Variants in MSRA observed in about 807,000 individuals in gnomAD.
The protein encoded by MSRA is methionine sulfoxide reductase A.
MSRA carries 54 observed loss-of-function variants against 31.3 expected under a neutral mutation model. That is an observed-to-expected ratio of 1.73 (90% CI 1.39 to 2.17). The LOEUF (loss-of-function observed/expected upper bound fraction) is 2.17. Ranked by LOEUF, MSRA falls within the 30% of genes most tolerant of loss-of-function variation. MSRA has a pLI of 0.00. For synonymous variants in MSRA, 169 were observed against 116.5 expected (o/e 1.45, Z -2.90); for missense variants, 507 against 300.9 (o/e 1.69, Z -5.07).
chr8:10,206,293 C>T (rs929491769), intron 1 of MSRA, among the ~76,000 whole-genome samples: 3 of 152,318 alleles, frequency 2.0e-5, no homozygotes, highest in Middle Eastern at 6.8e-3. Flanking sequence ...ACAGCTGGGA[C>T]CTTCCATCAC....
At chr8:10,117,940 G>A (rs1563115688) in intron 1 of MSRA, among the ~76,000 whole-genome samples, 1 of 152,174 alleles carries the variant, frequency 6.6e-6, no homozygotes, top group East Asian at 1.9e-4. Context: ...ATCAGGAGAT[G>A]CTGAAGGTAG....
intron 1 of MSRA, among the ~76,000 whole-genome samples, chr8:10,180,979 C>A (rs943953986): frequency 8.5e-5 from 13 of 152,146 alleles, no homozygotes; most frequent in Non-Finnish European, 1.9e-4. Context: ...GATAACGTTC[C>A]ATGCTAGTCT....
At chr8:10,276,705 G>A (rs780269271) in intron 3 of MSRA, among the ~76,000 whole-genome samples, 1 of 152,208 alleles carries the variant, frequency 6.6e-6, no homozygotes, top group Admixed American at 6.5e-5. Flanking sequence ...AGTCTTTAAT[G>A]TTTCAGGAGC....
intron 5 of MSRA, among the ~76,000 whole-genome samples, chr8:10,346,049 A>ATG (rs1317760757): frequency 1.3e-5 from 2 of 151,740 alleles, no homozygotes; most frequent in African/African-American, 4.8e-5. Flanking sequence ...TATTGTGTTT[A>ATG]TGTGTACATG....
intron 1 of MSRA, among the ~76,000 whole-genome samples, chr8:10,131,030 C>G (rs1021858428): frequency 2.0e-5 from 3 of 152,160 alleles, no homozygotes; most frequent in Non-Finnish European, 2.9e-5. Context: ...CTTGTTTTTG[C>G]AAACTACAGA....
chr8:10,186,738 G>A (rs989788578), intron 1 of MSRA, among the ~76,000 whole-genome samples: 4 of 152,172 alleles, frequency 2.6e-5, no homozygotes, highest in African/African-American at 4.8e-5. Context: ...TGGGTGGGGC[G>A]GGGAGAGGTC....
chr8:10,394,255 G>A (rs532989847), intron 5 of MSRA, among the ~76,000 whole-genome samples: 1 of 152,160 alleles, frequency 6.6e-6, no homozygotes, highest in South Asian at 2.1e-4. Context: ...CTGTACTTTT[G>A]GCAGCCAGAA....
At chr8:10,151,339 G>T (rs1371337609) in intron 1 of MSRA, among the ~76,000 whole-genome samples, 2 of 151,594 alleles carry the variant, frequency 1.3e-5, no homozygotes, top group African/African-American at 4.9e-5. Context: ...TAGAGAGGAA[G>T]GGACAGGAAA....
At position 10,316,867 on chromosome 8, in the gene MSRA, G is replaced by T. The variant is rs1187315751; in HGVS notation, c.437-3016G>T. 3.9e-5 allele frequency among the ~76,000 whole-genome samples: 6 copies of T among 152,260 alleles called. No individual in the cohort carries two copies. In the East Asian group the frequency reaches 1.2e-3, roughly 29 times the overall value. On this transcript the variant is annotated intron_variant, in intron 4 of 5. Transcript: ENST00000317173. ...GGAGGACTTCGGGACACCATGGCAT[G>T]TTTTTTCACAGAGACCCTACTTTCC...
chr8:10,117,966 A>G lies in MSRA; in HGVS notation c.142+63308A>G, dbSNP rs1800807846. The stretch of plus-strand genomic sequence containing the variant: ...CTGAAGGTAGAACATAAACAAAAAC[A>G]TAAGAAACCGTTCATCACTCTGAGA... On this transcript the variant is annotated intron_variant, in intron 1 of 5. Coordinates refer to ENST00000317173, the MANE Select transcript of MSRA (RefSeq NM_012331.5). 5.9e-5 allele frequency among the ~76,000 whole-genome samples: 9 copies of G among 152,216 alleles called. 1 individual carries two copies.
chr8:10,339,573 G>A (rs1301680147), intron 5 of MSRA, among the ~76,000 whole-genome samples: 4 of 113,198 alleles, frequency 3.5e-5, no homozygotes, highest in African/African-American at 7.1e-5. Flanking sequence ...ACGGAATCTC[G>A]TTCTGTCGCC....
intron 5 of MSRA, among the ~76,000 whole-genome samples, chr8:10,403,910 A>G (rs1293909776): frequency 6.6e-6 from 1 of 152,200 alleles, no homozygotes; most frequent in Non-Finnish European, 1.5e-5. Context: ...AGAGGATTGT[A>G]TGAGGATTAA....
At chr8:10,377,086 T>C (rs754616456) in intron 5 of MSRA, among the ~76,000 whole-genome samples, 2 of 152,270 alleles carry the variant, frequency 1.3e-5, no homozygotes, top group Non-Finnish European at 2.9e-5. Flanking sequence ...CACTAACTTC[T>C]AGCAGTAATT....
intron 1 of MSRA, chr8:10,095,743 T>G (rs994667838): frequency 5.9e-5 from 66 of 1,119,834 alleles, no homozygotes; most frequent in Non-Finnish European, 6.4e-5. Flanking sequence ...AGAAGGCTTT[T>G]TAAGTCTCTT....
At chr8:10,399,650 G>A (rs537164118) in intron 5 of MSRA, among the ~76,000 whole-genome samples, 2 of 152,260 alleles carry the variant, frequency 1.3e-5, no homozygotes, top group East Asian at 3.9e-4. Flanking sequence ...AAATTACCCA[G>A]CCTCTGATAT....
At chr8:10,376,051 T>G (rs1805739394) in intron 5 of MSRA, among the ~76,000 whole-genome samples, 1 of 152,172 alleles carries the variant, frequency 6.6e-6, no homozygotes. Context: ...TGGGGAAGAT[T>G]GCGTCTTCGT....
chr8:10,095,380 C>A (rs920606690), intron 1 of MSRA, among the ~76,000 whole-genome samples: 2 of 152,180 alleles, frequency 1.3e-5, no homozygotes, highest in Non-Finnish European at 2.9e-5. Context: ...GGTGATTTGG[C>A]AGAAGTCGAT....
chr8:10,374,441 G>A (rs924945878), intron 5 of MSRA, among the ~76,000 whole-genome samples: 1 of 152,130 alleles, frequency 6.6e-6, no homozygotes, highest in East Asian at 1.9e-4. Flanking sequence ...TGGGTACCGT[G>A]CATATGAGTC....
intron 1 of MSRA, among the ~76,000 whole-genome samples, chr8:10,077,430 G>T (rs1012738905): frequency 2.0e-5 from 3 of 146,910 alleles, no homozygotes; most frequent in Non-Finnish European, 4.5e-5. Context: ...TCTAAATTTT[G>T]TACTACTGTT....
Sources: allele counts gnomAD v4.1 joint callset (sites outside exome capture counted in the v4.1 genomes callset), GRCh38; gene constraint gnomAD v4.1.1; transcripts MANE v1.5; gene names NCBI Gene and HGNC (gene_info 2026-07-23, HGNC 2026-07-21).